Variants in GABRA3 observed in about 807,000 individuals in gnomAD.
GABRA3 encodes gamma-aminobutyric acid type A receptor subunit alpha3, also known as gamma-aminobutyric acid receptor subunit alpha-3.
Under a neutral mutation model 30.1 loss-of-function variants are expected in GABRA3, and 10 were observed. The observed-to-expected ratio is 0.33, with a 90% confidence interval of 0.20 to 0.56. GABRA3 has a LOEUF of 0.56. Among genes scored for constraint, GABRA3 ranks in the 20% least tolerant of loss-of-function variants. The pLI is 0.89. For missense variants in GABRA3, 233 were observed against 392.0 expected, an observed-to-expected ratio of 0.59 and a Z score of 3.42; for synonymous variants, 151 against 146.8, an observed-to-expected ratio of 1.03 and a Z score of -0.21.
At chrX:152,365,663 T>A (rs775399860) in intron 1 of GABRA3, among the ~76,000 whole-genome samples, 9 of 111,661 alleles carry the variant, frequency 8.1e-5, no homozygotes, top group Non-Finnish European at 1.7e-4. Context: ...ATAACTGGTT[T>A]TTTTTCCAAG....
chrX:152,310,937 A>G (rs1025501334), intron 3 of GABRA3, among the ~76,000 whole-genome samples: 1 of 111,499 alleles, frequency 9.0e-6, no homozygotes, highest in Non-Finnish European at 1.9e-5. Flanking sequence ...GAGCACCTCT[A>G]TGATCACAAA....
intron 1 of GABRA3, among the ~76,000 whole-genome samples, chrX:152,392,452 G>C (rs772613995): frequency 8.9e-6 from 1 of 111,750 alleles, no homozygotes; most frequent in Non-Finnish European, 1.9e-5. Flanking sequence ...TGTAGACAAC[G>C]ATGGTGCATT....
intron 4 of GABRA3, among the ~76,000 whole-genome samples, chrX:152,256,209 A>G (rs1395954343): frequency 1.8e-5 from 2 of 111,263 alleles, no homozygotes; most frequent in Non-Finnish European, 3.8e-5. Flanking sequence ...ATATTTGACA[A>G]GGCATTTTTA....
intron 1 of GABRA3, among the ~76,000 whole-genome samples, chrX:152,440,189 C>T (rs1930886914): frequency 8.9e-6 from 1 of 111,896 alleles, no homozygotes; most frequent in Admixed American, 9.4e-5. Flanking sequence ...AAAAAACAAC[C>T]CCATCAAAAA....
At chrX:152,423,000 C>T (rs1433418330) in intron 1 of GABRA3, among the ~76,000 whole-genome samples, 2 of 111,153 alleles carry the variant, frequency 1.8e-5, no homozygotes, top group Non-Finnish European at 3.8e-5. Context: ...TTTCATTTGT[C>T]AATTAAAATA....
chrX:152,208,653 AC>A (rs200833841), intron 6 of GABRA3, among the ~76,000 whole-genome samples: 10,269 of 110,295 alleles, frequency 0.093, 646 homozygotes, highest in East Asian at 0.32. Context: ...GCTTGGTGAC[AC>A]CCCCCTCCAG....
intron 1 of GABRA3, among the ~76,000 whole-genome samples, chrX:152,403,354 T>A (rs1261935255): frequency 9.0e-6 from 1 of 111,436 alleles, no homozygotes; most frequent in African/African-American, 3.3e-5. Flanking sequence ...AAGCCATTCA[T>A]ATTAGCAAAA....
At chrX:152,295,148 G>C (rs1485630111) in intron 3 of GABRA3, among the ~76,000 whole-genome samples, 1 of 112,456 alleles carries the variant, frequency 8.9e-6, no homozygotes, top group Non-Finnish European at 1.9e-5. Context: ...GGCTACACGG[G>C]GGTCTGGGAC....
intron 4 of GABRA3, among the ~76,000 whole-genome samples, chrX:152,277,009 A>G (rs1270033472): frequency 8.9e-6 from 1 of 111,930 alleles, no homozygotes; most frequent in Non-Finnish European, 1.9e-5. Flanking sequence ...ATAATATGCC[A>G]TAAAAAGACA....
intron 4 of GABRA3, among the ~76,000 whole-genome samples, chrX:152,257,573 T>C (rs1162153711): frequency 1.8e-5 from 2 of 112,798 alleles, no homozygotes; most frequent in African/African-American, 3.2e-5. Context: ...TTTCTCTTCC[T>C]TTAGTAGACC....
intron 9 of GABRA3, among the ~76,000 whole-genome samples, chrX:152,174,023 G>A (rs1311441778): frequency 2.7e-5 from 3 of 110,069 alleles, no homozygotes; most frequent in Admixed American, 9.8e-5. Context: ...TCCCACCTAT[G>A]AGTGAGAACA....
intron 3 of GABRA3, among the ~76,000 whole-genome samples, chrX:152,301,579 G>A (rs1047355901): frequency 9.9e-5 from 11 of 111,025 alleles, no homozygotes; most frequent in African/African-American, 3.6e-4. Flanking sequence ...TGTTGCCCAG[G>A]CTAGAGTTTA....
chrX:152,286,871 G>C (rs1300770021), intron 3 of GABRA3, among the ~76,000 whole-genome samples: 4 of 111,933 alleles, frequency 3.6e-5, no homozygotes, highest in Non-Finnish European at 7.5e-5. Context: ...TCTGAAACTA[G>C]AGCTGTGTTT....
intron 2 of GABRA3, among the ~76,000 whole-genome samples, chrX:152,356,821 C>G (rs1369910388): frequency 1.8e-5 from 2 of 111,863 alleles, no homozygotes; most frequent in African/African-American, 3.2e-5. Flanking sequence ...TCAGCTCCCA[C>G]TTATAAGTGA....
chrX:152,196,782 C>G (rs1279216593), intron 8 of GABRA3, among the ~76,000 whole-genome samples: 3 of 112,330 alleles, frequency 2.7e-5, no homozygotes. Flanking sequence ...ATTATTCTTT[C>G]TTTTTCCTAC....
At chrX:152,416,494 C>A (rs1244365548) in intron 1 of GABRA3, among the ~76,000 whole-genome samples, 45 of 110,369 alleles carry the variant, frequency 4.1e-4, no homozygotes, top group African/African-American at 1.5e-3. Context: ...GCTACCAATG[C>A]CTTTCTTCAC....
At chrX:152,329,416 T>C (rs1769591043) in intron 3 of GABRA3, among the ~76,000 whole-genome samples, 1 of 111,812 alleles carries the variant, frequency 8.9e-6, no homozygotes, top group Non-Finnish European at 1.9e-5. Context: ...AGAACAAAGC[T>C]GGAGGCATCA....
intron 3 of GABRA3, among the ~76,000 whole-genome samples, chrX:152,315,983 C>G (rs1425247233): frequency 2.1e-4 from 18 of 86,934 alleles, no homozygotes; most frequent in South Asian, 6.8e-4. Flanking sequence ...CCCCCCCCCC[C>G]CCACCACATG....
At chrX:152,247,382 T>C (rs1414054014) in intron 5 of GABRA3, among the ~76,000 whole-genome samples, 2 of 111,429 alleles carry the variant, frequency 1.8e-5, no homozygotes, top group South Asian at 7.5e-4. Flanking sequence ...AACTGCAGCT[T>C]GTCGTGTCCA....
Sources: allele counts gnomAD v4.1 joint callset (sites outside exome capture counted in the v4.1 genomes callset), GRCh38; gene constraint gnomAD v4.1.1; transcripts MANE v1.5; gene names NCBI Gene and HGNC (gene_info 2026-07-23, HGNC 2026-07-21).